KCNH1: variants seen among roughly 807,000 people sequenced by gnomAD.
The protein encoded by KCNH1 is potassium voltage-gated channel subfamily H member 1.
In KCNH1, 27 loss-of-function variants were observed where a neutral mutation model predicts 69.2. The ratio of observed to expected loss-of-function variants is 0.39; its 90% CI spans 0.29 to 0.54. The LOEUF (loss-of-function observed/expected upper bound fraction) is 0.54. Among genes scored for constraint, KCNH1 ranks in the 20% least tolerant of loss-of-function variants. The pLI is 0.68. For missense variants in KCNH1, 798 were observed against 1,261.6 expected (o/e 0.63, Z 5.57); for synonymous variants, 456 against 487.7 (o/e 0.93, Z 0.86).
intron 6 of KCNH1, among the ~76,000 whole-genome samples, chr1:210,947,603 C>A (rs1387547526): frequency 6.6e-6 from 1 of 151,620 alleles, no homozygotes; most frequent in East Asian, 1.9e-4. Context: ...AATTCTTCAC[C>A]CTAAAATAAA....
intron 7 of KCNH1, among the ~76,000 whole-genome samples, chr1:210,867,855 C>G (rs907391436): frequency 1.3e-5 from 2 of 151,970 alleles, no homozygotes; most frequent in African/African-American, 4.8e-5. Context: ...ATCTCTAATA[C>G]ATTGCTTTTT....
chr1:210,990,456 A>C (rs1406669176), intron 6 of KCNH1, among the ~76,000 whole-genome samples: 3 of 152,136 alleles, frequency 2.0e-5, no homozygotes, highest in South Asian at 4.1e-4. Flanking sequence ...AGGGTGCCCA[A>C]AGGTCAAGAA....
chr1:211,060,658 G>C (rs540274495), intron 5 of KCNH1, among the ~76,000 whole-genome samples: 1 of 151,914 alleles, frequency 6.6e-6, no homozygotes, highest in African/African-American at 2.4e-5. Context: ...AAATAGAAAG[G>C]ATCATTAGAA....
intron 2 of KCNH1, among the ~76,000 whole-genome samples, chr1:211,106,397 T>C (rs4578265): frequency 0.63 from 95,738 of 152,060 alleles, 30,623 homozygotes; most frequent in Non-Finnish European, 0.68. Context: ...TCACTGTCAG[T>C]ACAATTTGCT....
At chr1:210,920,470 G>A (rs892056412) in intron 6 of KCNH1, among the ~76,000 whole-genome samples, 4 of 152,032 alleles carry the variant, frequency 2.6e-5, no homozygotes, top group Non-Finnish European at 5.9e-5. Context: ...ATTTCATATT[G>A]CATAACATTT....
chr1:210,776,993 G>A (rs760503495), intron 9 of KCNH1, among the ~76,000 whole-genome samples: 2 of 152,066 alleles, frequency 1.3e-5, no homozygotes, highest in Non-Finnish European at 2.9e-5. Context: ...AATCCCCAGG[G>A]AGCCAACGAG....
chr1:211,073,957 T>G (rs1311998291), intron 5 of KCNH1, among the ~76,000 whole-genome samples: 1 of 151,930 alleles, frequency 6.6e-6, no homozygotes, highest in East Asian at 1.9e-4. Context: ...AATAAGCCTC[T>G]AGCCAGGCTA....
chr1:211,112,242 A>C (rs1691482891), intron 1 of KCNH1, among the ~76,000 whole-genome samples: 1 of 150,498 alleles, frequency 6.6e-6, no homozygotes, highest in Non-Finnish European at 1.5e-5. Flanking sequence ...TGGCCGCTGC[A>C]CTGTCTGGGA....
chr1:210,736,549 C>CA (rs935715037), intron 10 of KCNH1, among the ~76,000 whole-genome samples: 5 of 151,554 alleles, frequency 3.3e-5, no homozygotes, highest in African/African-American at 1.2e-4. Context: ...ATCCCCCCTC[C>CA]AAAAAAAAAT....
At chr1:210,938,135 G>C (rs965500145) in intron 6 of KCNH1, among the ~76,000 whole-genome samples, 5 of 152,054 alleles carry the variant, frequency 3.3e-5, no homozygotes, top group African/African-American at 1.2e-4. Flanking sequence ...ATGTGCTCTG[G>C]GTCTATAATC....
intron 5 of KCNH1, among the ~76,000 whole-genome samples, chr1:211,047,578 T>G (rs901937975): frequency 6.6e-6 from 1 of 152,088 alleles, no homozygotes. Context: ...CAAGTCAAGA[T>G]CTCCATGCCT....
chr1:211,079,936 C>T (rs1488456941), intron 5 of KCNH1, among the ~76,000 whole-genome samples: 1 of 152,212 alleles, frequency 6.6e-6, no homozygotes, highest in Non-Finnish European at 1.5e-5. Context: ...CTCACCACTC[C>T]TATTCAACAT....
rs561796206 is a variant in KCNH1 at position 210,844,133 on chromosome 1, A to G, written c.1463-39967T>C. Among the ~76,000 whole-genome samples the G allele has an allele frequency of 2.6e-5, 4 of 152,300 alleles. No individual in the cohort carries two copies. In the East Asian group the frequency reaches 7.7e-4, roughly 29 times the overall value. On this transcript the variant is annotated intron_variant, in intron 7 of 10. Coordinates refer to ENST00000271751, the MANE Select transcript of KCNH1 (RefSeq NM_172362.3). Reference sequence around the variant, plus strand: ...TTTAGCTGAATTTTTGGTAAAAACAATCTGCTGGGGCAAGGGAAAAAACAC... The same window carrying G: ...TTTAGCTGAATTTTTGGTAAAAACAGTCTGCTGGGGCAAGGGAAAAAACAC...
At chr1:210,689,430 C>T (rs1004077533) in intron 10 of KCNH1, among the ~76,000 whole-genome samples, 4 of 152,328 alleles carry the variant, frequency 2.6e-5, no homozygotes, top group African/African-American at 9.6e-5. Flanking sequence ...GGGGAATGGA[C>T]TTGCTGGTGT....
chr1:210,752,816 A>G (rs74156064), intron 10 of KCNH1, among the ~76,000 whole-genome samples: 11,631 of 152,142 alleles, frequency 0.076, 873 homozygotes, highest in African/African-American at 0.19. Context: ...CTCATTTGGA[A>G]ATAAGATCTT....
At chr1:210,787,528 C>T (rs924151862) in intron 9 of KCNH1, among the ~76,000 whole-genome samples, 15 of 152,180 alleles carry the variant, frequency 9.9e-5, no homozygotes, top group African/African-American at 2.7e-4. Context: ...ATGCGTTTCA[C>T]ATCAATGAAA....
At chr1:210,693,238 C>A (rs1380034527) in intron 10 of KCNH1, among the ~76,000 whole-genome samples, 1 of 152,150 alleles carries the variant, frequency 6.6e-6, no homozygotes, top group Non-Finnish European at 1.5e-5. Flanking sequence ...TGAGAGAAGC[C>A]CCCCTCCCTT....
At chr1:210,839,567 C>T (rs191376851) in intron 7 of KCNH1, among the ~76,000 whole-genome samples, 49 of 152,260 alleles carry the variant, frequency 3.2e-4, no homozygotes, top group Non-Finnish European at 5.1e-4. Context: ...ACATCCTACA[C>T]GTGTACCCCT....
At chr1:211,111,756 T>G (rs1275874130) in intron 1 of KCNH1, among the ~76,000 whole-genome samples, 2 of 112,566 alleles carry the variant, frequency 1.8e-5, no homozygotes, top group Admixed American at 1.0e-4. Flanking sequence ...GCGCCTCTGC[T>G]TGGCTGCCCA....
Sources: gnomAD v4.1 joint callset for allele counts (sites outside exome capture counted in the v4.1 genomes callset) on GRCh38, gnomAD v4.1.1 for gene constraint, MANE v1.5 for transcripts, NCBI Gene and HGNC (gene_info 2026-07-23, HGNC 2026-07-21) for gene names.